CTNND2: variants seen among roughly 807,000 people sequenced by gnomAD.
The protein encoded by CTNND2 is catenin delta 2, also known as catenin delta-2.
Under a neutral mutation model 144.4 loss-of-function variants are expected in CTNND2, and 22 were observed. The ratio of observed to expected loss-of-function variants is 0.15; its 90% CI spans 0.11 to 0.22. CTNND2 has a LOEUF of 0.22. Among genes scored for constraint, CTNND2 ranks in the 10% least tolerant of loss-of-function variants. The probability of loss-of-function intolerance (pLI) is 1.00; values close to 1 mark genes in which losing one functional copy is unlikely to be tolerated. For missense variants in CTNND2, 1,353 were observed against 1,618.8 expected, an observed-to-expected ratio of 0.84 and a Z score of 2.82; for synonymous variants, 751 against 695.6, an observed-to-expected ratio of 1.08 and a Z score of -1.25.
chr5:11,557,932 A>G (rs1346731708), intron 3 of CTNND2, among the ~76,000 whole-genome samples: 1 of 152,192 alleles, frequency 6.6e-6, no homozygotes, highest in Non-Finnish European at 1.5e-5. Flanking sequence ...CTAGCGGAAA[A>G]TTCCAAAGAA....
intron 6 of CTNND2, among the ~76,000 whole-genome samples, chr5:11,393,043 G>A (rs1442035264): frequency 1.3e-5 from 2 of 152,118 alleles, no homozygotes; most frequent in African/African-American, 4.8e-5. Context: ...AATAAGCAAT[G>A]TTCCAAACAC....
intron 2 of CTNND2, among the ~76,000 whole-genome samples, chr5:11,567,653 C>T (rs1777227708): frequency 6.6e-6 from 1 of 152,156 alleles, no homozygotes; most frequent in African/African-American, 2.4e-5. Context: ...TTATATCAGA[C>T]ACTGATGAAT....
At chr5:11,096,884 AG>A (rs1301743569) in intron 15 of CTNND2, among the ~76,000 whole-genome samples, 1 of 152,146 alleles carries the variant, frequency 6.6e-6, no homozygotes, top group Non-Finnish European at 1.5e-5. Context: ...TGTCTTAGTC[AG>A]GCTGATGCCT....
rs57148533 is a variant in CTNND2, at chr5:11,625,389, A to ATCTCTCTCTCTCTC, written c.175-60347_175-60334dup. ...ACAACTGGGTAATGCAAACAGAAAA[A>ATCTCTCTCTCTCTC]TCTCTCTCTCTCTCTCTCTCTCTCT... is the stretch of plus-strand genomic sequence containing the variant. On this transcript the variant is annotated intron_variant, in intron 2 of 21. Coordinates refer to ENST00000304623, the MANE Select transcript of CTNND2 (RefSeq NM_001332.4). Among the ~76,000 whole-genome samples, 794 of 140,446 alleles carry ATCTCTCTCTCTCTC rather than the reference A, an allele frequency of 5.7e-3. 13 individuals carry two copies. The highest frequency in any genetic ancestry group is 0.02 in the African/African-American group (740 of 37,942). 92.1% of individuals were successfully genotyped at this position (140,446 alleles called of 152,430 possible).
At chr5:11,548,557 C>A (rs1775462051) in intron 3 of CTNND2, among the ~76,000 whole-genome samples, 1 of 152,120 alleles carries the variant, frequency 6.6e-6, no homozygotes, top group African/African-American at 2.4e-5. Context: ...TAAAAATAGT[C>A]TATGATGTAG....
intron 9 of CTNND2, among the ~76,000 whole-genome samples, chr5:11,240,143 C>CACACACACCCA (rs1742073636): frequency 7.3e-6 from 1 of 136,202 alleles, no homozygotes; most frequent in African/African-American, 3.0e-5. Context: ...ACACACCCAA[C>CACACACACCCA]ACACACACAC....
intron 9 of CTNND2, among the ~76,000 whole-genome samples, chr5:11,274,372 C>G (rs1746316913): frequency 6.6e-6 from 1 of 152,124 alleles, no homozygotes; most frequent in Non-Finnish European, 1.5e-5. Context: ...TCAGCAATAA[C>G]TAATAACTTT....
chr5:11,778,179 C>A (rs566729494), intron 1 of CTNND2, among the ~76,000 whole-genome samples: 1 of 152,246 alleles, frequency 6.6e-6, no homozygotes, highest in African/African-American at 2.4e-5. Flanking sequence ...CACCGTTCAG[C>A]TGGAAGTGCA....
At chr5:11,129,178 T>TATATATAATATATA (rs1755220509) in intron 12 of CTNND2, among the ~76,000 whole-genome samples, 1 of 53,752 alleles carries the variant, frequency 1.9e-5, no homozygotes, top group African/African-American at 7.0e-5. Context: ...ATTATATATT[T>TATATATAATATATA]TATATATAAT....
rs1757889463 is a variant in CTNND2 at position 11,153,037 on chromosome 5, G to A, written c.2159+6539C>T. On this transcript the variant is annotated intron_variant, in intron 12 of 21. Coordinates refer to ENST00000304623, the MANE Select transcript of CTNND2 (RefSeq NM_001332.4). ...CCAGCACTTTGGGAGGTTGAGGCGG[G>A]AGGATCACTTGAGGTCAGGAGTTCA... Among the ~76,000 whole-genome samples the A allele has an allele frequency of 2.6e-5, 4 of 152,168 alleles. No individual in the cohort carries two copies. The South Asian group carries it at 8.3e-4, about 31-fold the overall frequency.
At chr5:11,850,338 G>A (rs1051470828) in intron 1 of CTNND2, among the ~76,000 whole-genome samples, 1 of 152,042 alleles carries the variant, frequency 6.6e-6, no homozygotes. Context: ...ATTTTGTTTC[G>A]TAAAGACAAA....
rs576587261 is a variant in CTNND2 at position 10,980,344 on chromosome 5, T to C, written c.3417+1429A>G. On this transcript the variant is annotated intron_variant, in intron 21 of 21. Transcript: ENST00000304623. ...AGAGAAATGCAAATCAAAACCACAA[T>C]GAGATACCATCTCACACCAGTCAGA... Among the ~76,000 whole-genome samples, 217 of 152,174 alleles carry C rather than the reference T, an allele frequency of 1.4e-3. 1 individual carries two copies. Among genetic ancestry groups the C allele is most frequent in the Non-Finnish European group, 2.3e-3 (159 of 68,012 alleles).
intron 18 of CTNND2, 138 bp from the exon 19 acceptor site, chr5:10,992,815 C>T (rs1326677796): frequency 1.1e-5 from 13 of 1,190,852 alleles, no homozygotes; most frequent in Non-Finnish European, 1.5e-5. Context: ...GTTCTGCGCT[C>T]TCATGGAGGT....
At chr5:11,616,026 A>G (rs1032491426) in intron 2 of CTNND2, among the ~76,000 whole-genome samples, 6 of 152,146 alleles carry the variant, frequency 3.9e-5, no homozygotes, top group Admixed American at 3.9e-4. Context: ...CCTTAGACAA[A>G]TGCTTCTATT....
chr5:11,574,132 A>G (rs1177989191), intron 2 of CTNND2, among the ~76,000 whole-genome samples: 1 of 152,156 alleles, frequency 6.6e-6, no homozygotes, highest in Non-Finnish European at 1.5e-5. Context: ...AGAGCCCAGC[A>G]TGTGCATTCT....
chr5:11,692,070 A>T (rs1340712646), intron 2 of CTNND2, among the ~76,000 whole-genome samples: 2 of 152,194 alleles, frequency 1.3e-5, no homozygotes, highest in Non-Finnish European at 2.9e-5. Context: ...AAGTTTTCCT[A>T]ATATCTAAGA....
intron 10 of CTNND2, among the ~76,000 whole-genome samples, chr5:11,203,600 C>A (rs975837941): frequency 6.6e-6 from 1 of 152,160 alleles, no homozygotes; most frequent in Non-Finnish European, 1.5e-5. Flanking sequence ...GTCTTCAACT[C>A]CTAGGCTCAA....
At chr5:11,701,247 T>C (rs1785418713) in intron 2 of CTNND2, among the ~76,000 whole-genome samples, 6 of 152,148 alleles carry the variant, frequency 3.9e-5, no homozygotes, top group African/African-American at 1.2e-4. Flanking sequence ...GAACTCCCCA[T>C]AGGAAAACCC....
chr5:11,609,174 C>A (rs900189838), intron 2 of CTNND2, among the ~76,000 whole-genome samples: 1 of 152,154 alleles, frequency 6.6e-6, no homozygotes, highest in African/African-American at 2.4e-5. Flanking sequence ...CCATTCATCC[C>A]TATCTGAAAC....
Sources: gnomAD v4.1 joint callset for allele counts (sites outside exome capture counted in the v4.1 genomes callset) on GRCh38, gnomAD v4.1.1 for gene constraint, MANE v1.5 for transcripts, NCBI Gene and HGNC (gene_info 2026-07-23, HGNC 2026-07-21) for gene names.